SSBP3: variants seen among roughly 807,000 people sequenced by gnomAD.
The protein encoded by SSBP3 is single stranded DNA binding protein 3.
A neutral mutation model predicts 69.6 loss-of-function variants in SSBP3; 5 were observed. The ratio of observed to expected loss-of-function variants is 0.07; its 90% CI spans 0.04 to 0.15. The LOEUF is 0.15. Among genes scored for constraint, SSBP3 ranks in the 10% least tolerant of loss-of-function variants. The pLI, the probability that SSBP3 is intolerant of heterozygous loss-of-function variation, is 1.00. For synonymous variants in SSBP3, 196 were observed against 193.4 expected (o/e 1.01, Z -0.11); for missense variants, 312 against 534.0 (o/e 0.58, Z 4.10).
rs138370689 is a variant in SSBP3, at chr1:54,230,509, A to G, written c.928-1683T>C. Among the ~76,000 whole-genome samples the G allele has an allele frequency of 2.4e-4, 36 of 152,318 alleles. No homozygotes were observed. In the East Asian group the frequency reaches 6.4e-3, roughly 27 times the overall value. ...ACATATTATTGTATACTTTCTGTAT[A>G]TTAAGTTTTATTGAGATATAATTCA... On this transcript the variant is annotated intron_variant, in intron 14 of 17. Coordinates refer to ENST00000610401, the Ensembl canonical transcript of SSBP3.
intron 4 of SSBP3, among the ~76,000 whole-genome samples, chr1:54,310,690 G>A (rs1288152470): frequency 3.2e-5 from 4 of 126,502 alleles, no homozygotes; most frequent in African/African-American, 1.2e-4. Flanking sequence ...GAGCTAAGTG[G>A]AATAGTGGGG....
At chr1:54,234,045 AC>A (rs1469944352) in intron 14 of SSBP3, among the ~76,000 whole-genome samples, 1 of 151,218 alleles carries the variant, frequency 6.6e-6, no homozygotes, top group Non-Finnish European at 1.5e-5. Context: ...CTGTGACCTT[AC>A]CCCCAACCCT....
intron 13 of SSBP3, among the ~76,000 whole-genome samples, chr1:54,239,596 G>A (rs570531930): frequency 2.0e-5 from 3 of 152,320 alleles, no homozygotes; most frequent in African/African-American, 4.8e-5. Context: ...AAAGGGAAAC[G>A]TGGCAAATTA....
chr1:54,404,654 AG>A lies in SSBP3; in HGVS notation c.130-18del. 1 of 1,613,920 alleles carries A rather than the reference AG, an allele frequency of 6.2e-7. No homozygotes were observed. Reference sequence around the variant, plus strand: ...CCATCGAATCTGGAAAGGTAAGAGCAGAAGCAGCTTAGAGGAGCAGAGACGG... The same window carrying A: ...CCATCGAATCTGGAAAGGTAAGAGCAAAGCAGCTTAGAGGAGCAGAGACGG... On this transcript the variant is annotated intron_variant, in intron 2 of 17. Transcript: ENST00000610401.
At chr1:54,286,320 A>T (rs1645489309) in intron 4 of SSBP3, 1 of 152,268 alleles carries the variant, frequency 6.6e-6, no homozygotes, top group African/African-American at 2.4e-5. Context: ...AAGCTAATTT[A>T]AAATTCTTTT....
In SSBP3 at chr1:54,279,568, A is replaced by T. The variant is rs3753408; in HGVS notation, c.366+1870T>A. On this transcript the variant is annotated intron_variant, in intron 5 of 17. Coordinates refer to ENST00000610401, the Ensembl canonical transcript of SSBP3. ...CACCCAGATGCCGGCAAGCAGCCTC[A>T]ATCAGGAGGCACACAGATGAAGCAT... Among the ~76,000 whole-genome samples the T allele has an allele frequency of 3.9e-5, 6 of 152,324 alleles. 1 individual carries two copies. In the East Asian group the frequency reaches 1.2e-3, roughly 29 times the overall value.
intron 3 of SSBP3, among the ~76,000 whole-genome samples, chr1:54,403,964 G>A (rs1170876469): frequency 4.1e-5 from 6 of 146,196 alleles, no homozygotes; most frequent in African/African-American, 1.5e-4. Flanking sequence ...ACACTGCGAG[G>A]TCGACTCTGA....
At chr1:54,381,988 G>A (rs1647691071) in intron 4 of SSBP3, among the ~76,000 whole-genome samples, 1 of 152,216 alleles carries the variant, frequency 6.6e-6, no homozygotes, top group Non-Finnish European at 1.5e-5. Flanking sequence ...GAAGTCAGGA[G>A]TTCGAGATCA....
intron 14 of SSBP3, among the ~76,000 whole-genome samples, chr1:54,232,632 T>C (rs139683585): frequency 9.8e-4 from 149 of 152,134 alleles, no homozygotes; most frequent in African/African-American, 3.1e-3. Context: ...ACGGTCTCCC[T>C]CTCATGCGGA....
chr1:54,401,204 T>C (rs773233363), intron 4 of SSBP3, among the ~76,000 whole-genome samples: 1 of 152,126 alleles, frequency 6.6e-6, no homozygotes, highest in Non-Finnish European at 1.5e-5. Context: ...TCGTAATAAT[T>C]TCATAAATCT....
chr1:54,253,192 G>GTTTT (rs554412710), intron 7 of SSBP3, among the ~76,000 whole-genome samples: 1 of 132,930 alleles, frequency 7.5e-6, no homozygotes, highest in African/African-American at 2.9e-5. Flanking sequence ...TTTAGTTTTT[G>GTTTT]TTTTTTTTTT....
upstream of SSBP3, among the ~76,000 whole-genome samples, chr1:54,408,834 C>T (rs957977129): frequency 6.6e-6 from 1 of 152,202 alleles, no homozygotes; most frequent in Non-Finnish European, 1.5e-5. Flanking sequence ...CTGTGCCAGG[C>T]ACTCTGTGGT....
At chr1:54,282,047 T>C (rs1645403529) in intron 4 of SSBP3, among the ~76,000 whole-genome samples, 2 of 149,920 alleles carry the variant, frequency 1.3e-5, no homozygotes, top group Admixed American at 1.3e-4. Context: ...TCTCAAATAA[T>C]AATAATAATA....
rs1334428877 is a variant in SSBP3, at chr1:54,238,342, G to C, written c.927+787C>G. On this transcript the variant is annotated intron_variant, in intron 14 of 17. Transcript: ENST00000610401. ...CCCAGGCCCACTCTCTGGCTCTACA[G>C]TCTGTAGACCTCCTTTTCAGACCCT... 1.7e-5 allele frequency: 8 copies of C among 471,024 alleles called. No individual in the cohort carries two copies. In the Admixed American group the frequency reaches 1.9e-4, roughly 11 times the overall value. 29.2% of individuals were successfully genotyped at this position (471,024 alleles called of 1,614,324 possible). A position where few individuals can be genotyped will look rare whatever the true frequency, so the allele number is the denominator to read the frequency against.
At chr1:54,346,145 G>A (rs886430134) in intron 4 of SSBP3, among the ~76,000 whole-genome samples, 7 of 150,346 alleles carry the variant, frequency 4.7e-5, no homozygotes, top group African/African-American at 1.5e-4. Flanking sequence ...CCGTGTGACA[G>A]AGTAAGACTT....
intron 5 of SSBP3, among the ~76,000 whole-genome samples, chr1:54,280,255 C>CA (rs1219448475): frequency 2.0e-5 from 3 of 152,220 alleles, no homozygotes; most frequent in Non-Finnish European, 4.4e-5. Context: ...AATCATCTTC[C>CA]AGATCATCTC....
At chr1:54,269,569 G>T (rs113535026) in intron 5 of SSBP3, among the ~76,000 whole-genome samples, 5 of 152,216 alleles carry the variant, frequency 3.3e-5, no homozygotes, top group Non-Finnish European at 7.3e-5. Flanking sequence ...AGCTAGATAC[G>T]CATGTTGGAC....
At chr1:54,268,585 C>A (rs968899961) in intron 5 of SSBP3, among the ~76,000 whole-genome samples, 2 of 152,268 alleles carry the variant, frequency 1.3e-5, no homozygotes, top group African/African-American at 2.4e-5. Context: ...CAATTGCCCA[C>A]TGAGCAGAAG....
Position 54,228,375 on chromosome 1 carries a change from A to T in SSBP3, c.1036-19T>A. On this transcript the variant is annotated intron_variant, in intron 16 of 17. Coordinates refer to ENST00000610401, the Ensembl canonical transcript of SSBP3. The stretch of plus-strand genomic sequence containing the variant: ...GAGAATTCTGTGGAAAGAGGAGAGG[A>T]GGTGAGCACCTGTGTCCCCAACAAC... The T allele has an allele frequency of 6.2e-7, 1 of 1,614,002 alleles. No homozygotes were observed. The highest frequency in any genetic ancestry group is 8.5e-7 in the Non-Finnish European group (1 of 1,179,920).
Sources: gnomAD v4.1 joint callset for allele counts (sites outside exome capture counted in the v4.1 genomes callset) on GRCh38, gnomAD v4.1.1 for gene constraint, MANE v1.5 for transcripts, NCBI Gene and HGNC (gene_info 2026-07-23, HGNC 2026-07-21) for gene names.